UBASH3A: variants seen among roughly 807,000 people sequenced by gnomAD.
The protein encoded by UBASH3A is ubiquitin associated and SH3 domain containing A.
In UBASH3A, 63 loss-of-function variants were observed where a neutral mutation model predicts 73.5. That is an observed-to-expected ratio of 0.86 (90% confidence interval 0.70 to 1.06). The LOEUF (loss-of-function observed/expected upper bound fraction) is 1.06. Among genes scored for constraint, UBASH3A ranks in the 50% least tolerant of loss-of-function variants. The probability of loss-of-function intolerance (pLI) is 0.00; values close to 1 mark genes in which losing one functional copy is unlikely to be tolerated. For missense variants in UBASH3A, 860 were observed against 859.0 expected (o/e 1.00, Z -0.02); for synonymous variants, 363 against 351.1 (o/e 1.03, Z -0.38).
At chr21:42,432,293 C>T (rs1046855756) in intron 9 of UBASH3A, 91 bp downstream of exon 9, 7 of 819,970 alleles carry the variant, frequency 8.5e-6, no homozygotes, top group African/African-American at 3.5e-5. Flanking sequence ...GGCACCAGAT[C>T]CCCTGAGGCA....
At chr21:42,445,294 G>A (rs1237040661) in intron 14 of UBASH3A, among the ~76,000 whole-genome samples, 1 of 152,240 alleles carries the variant, frequency 6.6e-6, no homozygotes, top group Non-Finnish European at 1.5e-5. Context: ...TCTACTCAAG[G>A]CTGGACTCAC....
intron 2 of UBASH3A, among the ~76,000 whole-genome samples, chr21:42,408,949 A>AAAAAC (rs2053035766): frequency 1.4e-5 from 2 of 147,940 alleles, no homozygotes; most frequent in African/African-American, 2.5e-5. Context: ...AAAATAAAAT[A>AAAAAC]AAAACTGTCT....
chr21:42,418,823 A>G (rs953786981), intron 7 of UBASH3A, among the ~76,000 whole-genome samples: 1 of 152,238 alleles, frequency 6.6e-6, no homozygotes, highest in African/African-American at 2.4e-5. Flanking sequence ...ATTACTCTGC[A>G]TTAGAGTAAT....
intron 14 of UBASH3A, among the ~76,000 whole-genome samples, chr21:42,445,106 C>T (rs1259874776): frequency 1.3e-5 from 2 of 152,230 alleles, no homozygotes; most frequent in Non-Finnish European, 2.9e-5. Context: ...TGCCAGAGTG[C>T]TCAGGCTCTG....
chr21:42,415,572 G>T (rs1012082372), intron 5 of UBASH3A, among the ~76,000 whole-genome samples: 2 of 152,204 alleles, frequency 1.3e-5, no homozygotes, highest in Non-Finnish European at 2.9e-5. Context: ...TGGAGTGGGG[G>T]CAGGGTACGT....
chr21:42,434,169 G>A (rs960423818), intron 9 of UBASH3A, among the ~76,000 whole-genome samples: 8 of 152,222 alleles, frequency 5.3e-5, no homozygotes, highest in South Asian at 2.1e-4. Context: ...CCTCGCAATC[G>A]CTACTCTTTC....
At chr21:42,437,783 C>T (rs1174157678) in intron 11 of UBASH3A, among the ~76,000 whole-genome samples, 4 of 152,240 alleles carry the variant, frequency 2.6e-5, no homozygotes, top group Non-Finnish European at 5.9e-5. Context: ...CCAGGACCGT[C>T]AGACCAGTAG....
At position 42,404,057 on chromosome 21, in the gene UBASH3A, G is replaced by C; in HGVS notation, c.112G>C (p.Ala38Pro). The stretch of plus-strand genomic sequence containing the variant: ...GGCCATGGGCTTCCCGGTGCACACC[G>C]CGTGAGTACTGCCCAGAGACCCCGG... ...LLAMGFPVHTALKALAATGRK... is the reference protein window; with the variant it reads ...LLAMGFPVHTPLKALAATGRK... The change falls in exon 1 of 15, where the codon GCG becomes CCG. Residue 38 changes from alanine to proline, a missense_variant and splice_region_variant. By Grantham distance (27) the Ala-to-Pro change is conservative. Coordinates refer to ENST00000319294, the MANE Select transcript of UBASH3A (RefSeq NM_018961.4). 1 of 1,497,382 alleles carries C rather than the reference G, an allele frequency of 6.7e-7. No homozygotes were observed. Among genetic ancestry groups the C allele is most frequent in the African/African-American group, 1.4e-5 (1 of 70,856 alleles). The allele number at this position is 1,497,382 out of a possible 1,614,324, so 92.8% of individuals were successfully genotyped here.
intron 9 of UBASH3A, among the ~76,000 whole-genome samples, chr21:42,434,347 C>CTCA (rs2053589257): frequency 1.3e-5 from 1 of 76,938 alleles, no homozygotes; most frequent in African/African-American, 4.5e-5. Flanking sequence ...TCCCAGTGAG[C>CTCA]CCACTTCCAG....
In UBASH3A at chr21:42,413,056, G is replaced by A. The variant is rs1487108412; in HGVS notation, c.387G>A (p.Glu129=). The change falls in exon 4 of 15, where the codon GAG becomes GAA. Residue 129 remains glutamate, a synonymous_variant. Coordinates refer to ENST00000319294, the MANE Select transcript of UBASH3A (RefSeq NM_018961.4). The surrounding 1 kb of genome is among the most constrained non-coding windows in gnomAD (Gnocchi z 4.5). ...CEDQKVECLY[E]ALKRAGDRLL... is the part of the protein sequence containing the mutation. ...ACCAGAAGGTGGAATGCCTGTACGA[G>A]GCGCTGAAGAGAGCTGGAGACAGGC... The A allele has an allele frequency of 1.2e-6, 2 of 1,614,112 alleles. No homozygotes were observed. The highest frequency in any genetic ancestry group is 1.7e-5 in the Admixed American group (1 of 60,014).
chr21:42,435,205 C>A (rs78222996), intron 10 of UBASH3A: 15,758 of 321,548 alleles, frequency 0.049, 721 homozygotes, highest in African/African-American at 0.14. Context: ...GAAAGAAAGG[C>A]ATGGAAAGAA....
At chr21:42,431,113 G>A (rs1380857121) in intron 8 of UBASH3A, among the ~76,000 whole-genome samples, 3 of 152,184 alleles carry the variant, frequency 2.0e-5, no homozygotes, top group African/African-American at 7.2e-5. Flanking sequence ...CCCAGGGGGG[G>A]CATCCTCAGC....
chr21:42,415,650 T>A (rs1303482693), intron 5 of UBASH3A, among the ~76,000 whole-genome samples: 1 of 152,192 alleles, frequency 6.6e-6, no homozygotes, highest in African/African-American at 2.4e-5. Context: ...ACTGCAGCCT[T>A]GGCGAGCAGG....
rs116039588 is a variant in UBASH3A, at chr21:42,432,036, C to T, written c.1171-67C>T. ...GTTGCTGGGTGACTGGGAGAGCTGC[C>T]ATTGGTGCAAGTCCAGTGAGTTGGA... On this transcript the variant is annotated intron_variant, in intron 8 of 14. Coordinates refer to ENST00000319294, the MANE Select transcript of UBASH3A (RefSeq NM_018961.4). The T allele has an allele frequency of 1.0e-3, 958 of 929,706 alleles. 8 individuals are homozygous for T. In the African/African-American group the frequency reaches 0.014, roughly 13 times the overall value. 57.6% of individuals were successfully genotyped at this position (929,706 alleles called of 1,614,324 possible). A position where few individuals can be genotyped will look rare whatever the true frequency, so the allele number is the denominator to read the frequency against.
intron 9 of UBASH3A, among the ~76,000 whole-genome samples, chr21:42,433,049 G>A (rs1468248771): frequency 1.3e-5 from 2 of 152,028 alleles, no homozygotes; most frequent in Non-Finnish European, 2.9e-5. Context: ...TCCATGGTGG[G>A]GAGAACCAAT....
intron 7 of UBASH3A, among the ~76,000 whole-genome samples, chr21:42,420,810 C>G (rs1041330875): frequency 6.6e-6 from 1 of 152,238 alleles, no homozygotes; most frequent in African/African-American, 2.4e-5. Context: ...GTCAGACCTG[C>G]TCAGAATAAC....
chr21:42,425,984 T>C (rs2053427633), intron 7 of UBASH3A, among the ~76,000 whole-genome samples: 1 of 151,062 alleles, frequency 6.6e-6, no homozygotes, highest in Non-Finnish European at 1.5e-5. Flanking sequence ...AGACAGAGAG[T>C]GACCGAGAGA....
chr21:42,438,045 A>G (rs1007418101), intron 11 of UBASH3A, among the ~76,000 whole-genome samples: 4 of 152,184 alleles, frequency 2.6e-5, no homozygotes, highest in Non-Finnish European at 5.9e-5. Context: ...TGCAGCTCCC[A>G]TCTACGGGAA....
intron 14 of UBASH3A, among the ~76,000 whole-genome samples, chr21:42,445,854 C>A (rs768217617): frequency 5.3e-5 from 8 of 152,188 alleles, no homozygotes; most frequent in Non-Finnish European, 1.0e-4. Flanking sequence ...CTCAACCCCC[C>A]TGGGCCACAC....
Sources: gnomAD v4.1 joint callset for allele counts (sites outside exome capture counted in the v4.1 genomes callset) on GRCh38, gnomAD v4.1.1 for gene constraint, Gnocchi (gnomAD v3.1) non-coding constraint, MANE v1.5 for transcripts, NCBI Gene and HGNC (gene_info 2026-07-23, HGNC 2026-07-21) for gene names.